The following RABGAP1 variants were observed in gnomAD, a reference collection of about 807,000 sequenced individuals.
RABGAP1 encodes rab GTPase-activating protein 1.
In RABGAP1, 23 loss-of-function variants were observed where a neutral mutation model predicts 137.6. That is an observed-to-expected ratio of 0.17 (90% CI 0.12 to 0.24). The LOEUF (loss-of-function observed/expected upper bound fraction) is 0.24. Among genes scored for constraint, RABGAP1 ranks in the 10% least tolerant of loss-of-function variants. RABGAP1 has a pLI of 1.00. For synonymous variants in RABGAP1, 451 were observed against 450.7 expected (o/e 1.00, Z -0.01); for missense variants, 906 against 1,275.8 (o/e 0.71, Z 4.42).
At chr9:123,103,052 C>A in intron 25 of RABGAP1, 39 bp from the exon 26 acceptor site, 3 of 1,603,306 alleles carry the variant, frequency 1.9e-6, no homozygotes, top group Non-Finnish European at 2.6e-6. Flanking sequence ...GTCATTGACA[C>A]CAAGCCCAGC....
At chr9:123,074,525 G>T in intron 17 of RABGAP1, 97 bp downstream of exon 17, 1 of 1,307,824 alleles carries the variant, frequency 7.6e-7, no homozygotes. Flanking sequence ...AAACAGAATT[G>T]GTCTCTTTAA....
intron 11 of RABGAP1, among the ~76,000 whole-genome samples, chr9:123,014,457 G>T (rs1323282605): frequency 6.6e-6 from 1 of 152,026 alleles, no homozygotes; most frequent in Admixed American, 6.5e-5. Flanking sequence ...CACTCAGAGG[G>T]AGCAATTGTT....
chr9:123,025,342 C>T (rs1254536376), intron 13 of RABGAP1, among the ~76,000 whole-genome samples: 1 of 152,156 alleles, frequency 6.6e-6, no homozygotes, highest in Non-Finnish European at 1.5e-5. Context: ...TTTTCTATCT[C>T]ATACCTTACT....
Position 123,070,899 on chromosome 9 carries a change from G to A in RABGAP1, c.1983+475G>A, listed in dbSNP as rs1181645175. Among the ~76,000 whole-genome samples, 2 of 152,164 alleles carry A rather than the reference G, an allele frequency of 1.3e-5. No homozygotes were observed. Among genetic ancestry groups the A allele is most frequent in the African/African-American group, 4.8e-5 (2 of 41,444 alleles). On this transcript the variant is annotated intron_variant, in intron 15 of 25. Transcript: ENST00000373647. This position sits in a 1 kb window ranked among gnomAD's most constrained non-coding sequence, Gnocchi z 4.4. ...AGAAAACTCTAAACAGTGTTAAGGT[G>A]AACAGTCTTTATCTAGTTTACCAAT... is the stretch of plus-strand genomic sequence containing the variant.
At chr9:122,967,819 C>T (rs555251978) in intron 2 of RABGAP1, among the ~76,000 whole-genome samples, 5 of 151,576 alleles carry the variant, frequency 3.3e-5, no homozygotes, top group East Asian at 2.0e-4. Flanking sequence ...CTCCATCTTC[C>T]GGGTTCAAGT....
chr9:123,085,268 T>C (rs796368878), intron 19 of RABGAP1, among the ~76,000 whole-genome samples: 14 of 152,300 alleles, frequency 9.2e-5, no homozygotes, highest in African/African-American at 3.1e-4. Context: ...AGGGGGCCCA[T>C]GAGCCCTCTG....
the RABGAP1 span, among the ~76,000 whole-genome samples, chr9:122,935,632 C>T: frequency 3.3e-5 from 5 of 152,162 alleles, no homozygotes; most frequent in Admixed American, 2.6e-4. Flanking sequence ...TGAGCCACCA[C>T]GCCCAGACAA....
At chr9:123,060,681 G>A (rs1243360539) in intron 13 of RABGAP1, among the ~76,000 whole-genome samples, 1 of 152,168 alleles carries the variant, frequency 6.6e-6, no homozygotes, top group Non-Finnish European at 1.5e-5. Flanking sequence ...CCAGTCTCAT[G>A]TGTGTCAGTT....
chr9:122,953,413 T>A, intron 1 of RABGAP1, among the ~76,000 whole-genome samples: 1 of 152,164 alleles, frequency 6.6e-6, no homozygotes, highest in East Asian at 1.9e-4. Context: ...ATCTTTTTTT[T>A]TTTTTTTGAG....
At chr9:122,956,941 A>G (rs1834560575) in intron 1 of RABGAP1, 70 bp from the exon 2 acceptor site, 1 of 800,836 alleles carries the variant, frequency 1.2e-6, no homozygotes, top group Non-Finnish European at 1.7e-6. Flanking sequence ...TATGTTGTGT[A>G]AGAAGTACAG....
In RABGAP1 at chr9:123,096,192, T is replaced by C. The variant is rs916120096; in HGVS notation, c.2629-1549T>C. On this transcript the variant is annotated intron_variant, in intron 21 of 25. Coordinates refer to ENST00000373647, the MANE Select transcript of RABGAP1 (RefSeq NM_012197.4). The stretch of plus-strand genomic sequence containing the variant: ...TAACTGTGCATTTTTCTTTTTCTCC[T>C]TTTAGTTGTGTAGGGATTTGTTTCA... Among the ~76,000 whole-genome samples, 8 of 149,178 alleles carry C rather than the reference T, an allele frequency of 5.4e-5. No homozygotes were observed. In the South Asian group the frequency reaches 1.7e-3, roughly 31 times the overall value.
intron 13 of RABGAP1, chr9:123,020,939 C>T (rs1011314194): frequency 1.0e-5 from 9 of 902,866 alleles, no homozygotes; most frequent in Middle Eastern, 1.1e-3. Context: ...TGTTCCCCTT[C>T]TGAAGTTCAT....
At chr9:122,976,793 A>G (rs1412064123) in intron 2 of RABGAP1, among the ~76,000 whole-genome samples, 2 of 152,244 alleles carry the variant, frequency 1.3e-5, no homozygotes, top group African/African-American at 4.8e-5. Context: ...GCTAGAATAA[A>G]CATATATGCT....
In RABGAP1 at chr9:123,070,014, A is replaced by G. The variant is rs563177427; in HGVS notation, c.1909-336A>G. The stretch of plus-strand genomic sequence containing the variant: ...AAATAAGTTTGGTGCCTGAAGGAAG[A>G]GTGCATGTTTGAGGCAGAGAGGGAA... On this transcript the variant is annotated intron_variant, in intron 14 of 25. Coordinates refer to ENST00000373647, the MANE Select transcript of RABGAP1 (RefSeq NM_012197.4). This position sits in a 1 kb window ranked among gnomAD's most constrained non-coding sequence, Gnocchi z 4.4. 3.3e-5 allele frequency among the ~76,000 whole-genome samples: 5 copies of G among 152,338 alleles called. No homozygotes were observed. In the East Asian group the frequency reaches 7.7e-4, roughly 23 times the overall value.
chr9:123,097,526 G>A (rs902015094), intron 21 of RABGAP1, among the ~76,000 whole-genome samples: 2 of 152,140 alleles, frequency 1.3e-5, no homozygotes, highest in African/African-American at 2.4e-5. Context: ...GATGCCAAAG[G>A]CTAAGCTCCT....
intron 10 of RABGAP1, among the ~76,000 whole-genome samples, chr9:123,010,062 C>T (rs891417111): frequency 6.6e-6 from 1 of 152,096 alleles, no homozygotes; most frequent in Admixed American, 6.5e-5. Flanking sequence ...GGATACTTGA[C>T]AATATGGTTT....
intron 21 of RABGAP1, among the ~76,000 whole-genome samples, chr9:123,094,097 T>G (rs566398804): frequency 2.8e-4 from 42 of 152,378 alleles, no homozygotes; most frequent in African/African-American, 9.6e-4. Context: ...GTTGTGACCT[T>G]GTATCCTGTG....
chr9:123,003,019 A>G lies in RABGAP1; in HGVS notation c.1374+4253A>G, dbSNP rs137869258. Among the ~76,000 whole-genome samples the G allele has an allele frequency of 2.9e-3, 445 of 152,072 alleles. 2 individuals carry two copies. The highest frequency in any genetic ancestry group is 0.01 in the African/African-American group (421 of 41,474). ...TGTGTTTGTGCGGGGATTTAGGGGG[A>G]GTGCTAGGGAGTGGGAAAGGAGAGG... On this transcript the variant is annotated intron_variant, in intron 10 of 25. Transcript: ENST00000373647.
intron 13 of RABGAP1, among the ~76,000 whole-genome samples, chr9:123,033,023 A>G (rs892038791): frequency 2.0e-5 from 3 of 152,236 alleles, no homozygotes; most frequent in African/African-American, 4.8e-5. Flanking sequence ...AAATATGGGA[A>G]CAGTGTAATT....
Sources: allele counts gnomAD v4.1 joint callset (sites outside exome capture counted in the v4.1 genomes callset), GRCh38; gene constraint gnomAD v4.1.1; non-coding constraint Gnocchi (gnomAD v3.1); transcripts MANE v1.5; gene names NCBI Gene and HGNC (gene_info 2026-07-23, HGNC 2026-07-21).